PDE3B: variants seen among roughly 807,000 people sequenced by gnomAD.
PDE3B encodes cGMP-inhibited 3',5'-cyclic phosphodiesterase 3B.
In PDE3B, 66 loss-of-function variants were observed where a neutral mutation model predicts 116.8. The ratio of observed to expected loss-of-function variants is 0.56; its 90% CI spans 0.46 to 0.69. The LOEUF is 0.69. Ranked by LOEUF, PDE3B falls within the 30% of genes least tolerant of loss-of-function variation. PDE3B has a pLI of 0.00. For synonymous variants in PDE3B, 595 were observed against 533.6 expected, an observed-to-expected ratio of 1.12 and a Z score of -1.59; for missense variants, 1,384 against 1,368.1, an observed-to-expected ratio of 1.01 and a Z score of -0.18.
At chr11:14,847,352 G>A (rs1360082813) in intron 12 of PDE3B, among the ~76,000 whole-genome samples, 1 of 150,912 alleles carries the variant, frequency 6.6e-6, no homozygotes, top group Admixed American at 6.6e-5. Flanking sequence ...TGTGTAGAGG[G>A]AAATTTATAG....
At chr11:14,664,260 C>A (rs1430264045) in intron 1 of PDE3B, among the ~76,000 whole-genome samples, 1 of 152,022 alleles carries the variant, frequency 6.6e-6, no homozygotes, top group Non-Finnish European at 1.5e-5. Flanking sequence ...GGGACACATT[C>A]AAAGCAGTGT....
At chr11:14,731,255 A>ATTTTTT (rs778089171) in intron 1 of PDE3B, among the ~76,000 whole-genome samples, 28 of 121,102 alleles carry the variant, frequency 2.3e-4, no homozygotes, top group African/African-American at 6.7e-4. Flanking sequence ...TTTTACTTTG[A>ATTTTTT]TTTTTTTTTT....
intron 1 of PDE3B, among the ~76,000 whole-genome samples, chr11:14,758,911 A>AGATAGCTCTTATTATTTT (rs1857272623): frequency 6.6e-6 from 1 of 151,964 alleles, no homozygotes; most frequent in Admixed American, 6.6e-5. Flanking sequence ...GGTTTCTCAT[A>AGATAGCTCTTATTATTTT]GATAGCTCTT....
chr11:14,656,958 ATTCT>A (rs1853732466), intron 1 of PDE3B, among the ~76,000 whole-genome samples: 1 of 152,208 alleles, frequency 6.6e-6, no homozygotes, highest in African/African-American at 2.4e-5. Context: ...TATAGGGGAA[ATTCT>A]TTCAACAGTG....
At chr11:14,803,480 G>A (rs1413122798) in intron 4 of PDE3B, among the ~76,000 whole-genome samples, 1 of 152,210 alleles carries the variant, frequency 6.6e-6, no homozygotes, top group Non-Finnish European at 1.5e-5. Context: ...TGTTAGAAGT[G>A]TGGATTATCT....
At chr11:14,879,402 C>T in the PDE3B span, 3 of 1,606,444 alleles carry the variant, frequency 1.9e-6, no homozygotes, top group Non-Finnish European at 2.5e-6. Flanking sequence ...GAAGGCTTCC[C>T]ATTAGGGCCC....
chr11:14,830,081 T>C (rs141214560), intron 7 of PDE3B, among the ~76,000 whole-genome samples: 4 of 152,288 alleles, frequency 2.6e-5, no homozygotes, highest in Non-Finnish European at 5.9e-5. Context: ...TAGTGATCAA[T>C]TGTGTAAATA....
In PDE3B at chr11:14,725,329, TTTTC is replaced by T. The variant is rs111476527; in HGVS notation, c.979-46589_979-46586del. On this transcript the variant is annotated intron_variant, in intron 1 of 15. Coordinates refer to ENST00000282096, the MANE Select transcript of PDE3B (RefSeq NM_000922.4). ...TCTTTCTCTTTCTTTCTTTCTTTCT[TTTTC>T]TTTCTTTCTTTCTTTCTTCTTTCTC... Among the ~76,000 whole-genome samples the T allele has an allele frequency of 1.4e-3, 170 of 123,276 alleles. 1 individual carries two copies. Among genetic ancestry groups the T allele is most frequent in the African/African-American group, 2.0e-3 (63 of 31,924 alleles). The allele number at this position is 123,276 out of a possible 152,430, so 80.9% of individuals were successfully genotyped here.
chr11:14,893,986 C>G, the PDE3B span, among the ~76,000 whole-genome samples: 3 of 152,240 alleles, frequency 2.0e-5, no homozygotes, highest in Middle Eastern at 6.8e-3. Flanking sequence ...ACTAAGCAAA[C>G]CTTGTCCTCT....
At chr11:14,710,931 C>T (rs988311096) in intron 1 of PDE3B, among the ~76,000 whole-genome samples, 2 of 152,138 alleles carry the variant, frequency 1.3e-5, no homozygotes, top group African/African-American at 4.8e-5. Context: ...AAGAACTTTT[C>T]TTGCTCAAAG....
At chr11:14,817,853 G>C (rs904638168) in intron 5 of PDE3B, among the ~76,000 whole-genome samples, 1 of 152,204 alleles carries the variant, frequency 6.6e-6, no homozygotes, top group Non-Finnish European at 1.5e-5. Context: ...GGACACATAG[G>C]TGAAAGTTAA....
chr11:14,713,059 A>G (rs999079528), intron 1 of PDE3B, among the ~76,000 whole-genome samples: 3 of 152,234 alleles, frequency 2.0e-5, no homozygotes, highest in Non-Finnish European at 2.9e-5. Flanking sequence ...TTGAATACCA[A>G]TTATGTGTAA....
chr11:14,813,761 G>GT lies in PDE3B; in HGVS notation c.1523-4416dup, dbSNP rs759217560. Among the ~76,000 whole-genome samples the GT allele has an allele frequency of 2.6e-5, 4 of 152,166 alleles. No individual in the cohort carries two copies. In the East Asian group the frequency reaches 5.8e-4, roughly 22 times the overall value. ...CTGAAAAGGGAAAGAGGAAACACCA[G>GT]TTTTTTATGAGGCCAGCATAACCCT... On this transcript the variant is annotated intron_variant, in intron 5 of 15. Transcript: ENST00000282096.
intron 1 of PDE3B, among the ~76,000 whole-genome samples, chr11:14,724,507 A>G (rs1300569407): frequency 6.6e-6 from 1 of 152,174 alleles, no homozygotes; most frequent in Non-Finnish European, 1.5e-5. Context: ...GTCATGCTCA[A>G]AGGAAATGCT....
chr11:14,765,385 TGTGGTTTTG>T (rs1857470852), intron 1 of PDE3B, among the ~76,000 whole-genome samples: 1 of 151,954 alleles, frequency 6.6e-6, no homozygotes. Flanking sequence ...GATGTTTCAC[TGTGGTTTTG>T]GTGGTTTTGT....
At position 14,644,773 on chromosome 11, in the gene PDE3B, C is replaced by T. The variant is rs1374777822; in HGVS notation, c.698C>T (p.Ser233Phe). ...CTGGCCAGCTTCGTCTGGTGGGTCT[C>T]CTTCACCAGCCTCGGGTCGCTGCCC... ...LLLASFVWWV[S>F]FTSLGSLPSA... Residue 233 changes from serine (S) to phenylalanine (F), a missense_variant, in exon 1 of 16, where the codon TCC becomes TTC. Coordinates refer to ENST00000282096, the MANE Select transcript of PDE3B (RefSeq NM_000922.4). The T allele has an allele frequency of 1.9e-6, 3 of 1,606,362 alleles. No individual in the cohort carries two copies. Among genetic ancestry groups the T allele is most frequent in the South Asian group, 1.1e-5 (1 of 90,174 alleles).
chr11:14,782,425 G>A (rs1426948084), intron 2 of PDE3B, among the ~76,000 whole-genome samples: 1 of 152,050 alleles, frequency 6.6e-6, no homozygotes, highest in Admixed American at 6.5e-5. Flanking sequence ...TAGACCAATG[G>A]AACAGAACAG....
intron 1 of PDE3B, among the ~76,000 whole-genome samples, chr11:14,649,677 C>A (rs1399449705): frequency 6.6e-6 from 1 of 152,140 alleles, no homozygotes; most frequent in Non-Finnish European, 1.5e-5. Context: ...TTTGTAATGA[C>A]CTTGATGACA....
intron 1 of PDE3B, among the ~76,000 whole-genome samples, chr11:14,679,441 T>A (rs1347456853): frequency 1.3e-5 from 2 of 152,170 alleles, no homozygotes; most frequent in African/African-American, 2.4e-5. Context: ...TTTGTCCAAT[T>A]CTTTGTTCAA....
Sources: allele counts gnomAD v4.1 joint callset (sites outside exome capture counted in the v4.1 genomes callset), GRCh38; gene constraint gnomAD v4.1.1; transcripts MANE v1.5; gene names NCBI Gene and HGNC (gene_info 2026-07-23, HGNC 2026-07-21).